Variants in SUMF1 observed in about 807,000 individuals in gnomAD.
The protein encoded by SUMF1 is sulfatase modifying factor 1, also known as formylglycine-generating enzyme.
A neutral mutation model predicts 47.6 loss-of-function variants in SUMF1; 48 were observed. The ratio of observed to expected loss-of-function variants is 1.01; its 90% CI spans 0.80 to 1.28. The LOEUF (loss-of-function observed/expected upper bound fraction) is 1.28. Ranked by LOEUF, SUMF1 falls within the 50% of genes most tolerant of loss-of-function variation. The probability of loss-of-function intolerance (pLI) is 0.00; values close to 1 mark genes in which losing one functional copy is unlikely to be tolerated. For missense variants in SUMF1, 571 were observed against 485.4 expected, an observed-to-expected ratio of 1.18 and a Z score of -1.66; for synonymous variants, 230 against 192.1, an observed-to-expected ratio of 1.20 and a Z score of -1.63.
intron 8 of SUMF1, among the ~76,000 whole-genome samples, chr3:4,340,148 C>T (rs1313949961): frequency 6.6e-6 from 1 of 151,990 alleles, no homozygotes; most frequent in South Asian, 2.1e-4. Context: ...CACTGCTTGG[C>T]CCCAACTCCG....
chr3:4,262,207 C>A (rs572002249), intron 8 of SUMF1, among the ~76,000 whole-genome samples: 1 of 152,192 alleles, frequency 6.6e-6, no homozygotes, highest in East Asian at 1.9e-4. Context: ...TTTCCTTGGG[C>A]CAGGTAGGAG....
rs1246063875 is a variant in SUMF1 at position 4,447,604 on chromosome 3, A to C, written c.519+1662T>G. 2.8e-3 allele frequency among the ~76,000 whole-genome samples: 433 copies of C among 152,326 alleles called. 2 individuals are homozygous for C. Among genetic ancestry groups the C allele is most frequent in the African/African-American group, 9.8e-3 (407 of 41,578 alleles). On this transcript the variant is annotated intron_variant, in intron 3 of 8. Coordinates refer to ENST00000272902, the MANE Select transcript of SUMF1 (RefSeq NM_182760.4). ...AAAAAAAAAAGGTCTGGTGCAGTGAATGAAGGTAAGTCAGACCTTATGAGG... is the reference window on the plus strand; with the variant it reads ...AAAAAAAAAAGGTCTGGTGCAGTGACTGAAGGTAAGTCAGACCTTATGAGG...
chr3:4,274,973 C>T (rs532139240), intron 8 of SUMF1, among the ~76,000 whole-genome samples: 8 of 152,150 alleles, frequency 5.3e-5, no homozygotes, highest in Non-Finnish European at 1.2e-4. Flanking sequence ...CCTGATGAAG[C>T]CCTGATCACA....
intron 8 of SUMF1, among the ~76,000 whole-genome samples, chr3:4,308,317 G>C (rs1575075172): frequency 6.6e-6 from 1 of 152,084 alleles, no homozygotes; most frequent in East Asian, 1.9e-4. Context: ...AATTTTTATT[G>C]AACACGTACA....
chr3:4,317,274 G>A (rs1482943995), intron 8 of SUMF1: 11 of 1,450,270 alleles, frequency 7.6e-6, no homozygotes, highest in Non-Finnish European at 1.0e-5. Context: ...TAGTTATAAT[G>A]ATTTAAAATT....
At chr3:4,073,954 T>G (rs1165095100) in intron 8 of SUMF1, among the ~76,000 whole-genome samples, 1 of 152,136 alleles carries the variant, frequency 6.6e-6, no homozygotes, top group Non-Finnish European at 1.5e-5. Flanking sequence ...AACAAGGATA[T>G]CCAGGACTTG....
intron 8 of SUMF1, among the ~76,000 whole-genome samples, chr3:4,124,985 A>C (rs1574904877): frequency 6.6e-6 from 1 of 152,160 alleles, no homozygotes; most frequent in East Asian, 1.9e-4. Context: ...ATGTGATTCC[A>C]ATCAAATCAT....
chr3:4,186,744 T>C (rs1446123109), intron 8 of SUMF1, among the ~76,000 whole-genome samples: 1 of 152,112 alleles, frequency 6.6e-6, no homozygotes, highest in East Asian at 1.9e-4. Context: ...TATTTAAATA[T>C]TGACGAAAAT....
chr3:4,220,846 C>T (rs1463786751), intron 8 of SUMF1, among the ~76,000 whole-genome samples: 1 of 152,040 alleles, frequency 6.6e-6, no homozygotes, highest in Non-Finnish European at 1.5e-5. Flanking sequence ...TCTCTGGATC[C>T]CTTCCAGCAA....
chr3:4,411,046 A>C, intron 6 of SUMF1, 68 bp from the exon 7 acceptor site: 12 of 1,221,714 alleles, frequency 9.8e-6, no homozygotes, highest in Non-Finnish European at 1.3e-5. Context: ...TTCAGTGCAG[A>C]AATGCAGCAA....
At chr3:4,383,216 T>C (rs1222842569) in intron 7 of SUMF1, among the ~76,000 whole-genome samples, 1 of 152,076 alleles carries the variant, frequency 6.6e-6, no homozygotes, top group African/African-American at 2.4e-5. Context: ...TTGTCTCTAT[T>C]AAAAATACAA....
chr3:4,164,432 G>A (rs1328375291), intron 8 of SUMF1, among the ~76,000 whole-genome samples: 1 of 152,174 alleles, frequency 6.6e-6, no homozygotes, highest in Non-Finnish European at 1.5e-5. Context: ...GGGGGCTTCT[G>A]GCCCAAAGAA....
chr3:4,379,919 T>C (rs1303626513), intron 7 of SUMF1, among the ~76,000 whole-genome samples: 1 of 151,300 alleles, frequency 6.6e-6, no homozygotes, highest in Non-Finnish European at 1.5e-5. Context: ...TCCAGAGAGT[T>C]GGGGAAGAGG....
intron 8 of SUMF1, among the ~76,000 whole-genome samples, chr3:4,220,808 C>T (rs1435467171): frequency 2.0e-5 from 3 of 152,076 alleles, no homozygotes; most frequent in Admixed American, 6.6e-5. Flanking sequence ...TCACTCCAAT[C>T]CAAATATTCT....
intron 8 of SUMF1, among the ~76,000 whole-genome samples, chr3:4,184,327 G>C (rs536853867): frequency 3.3e-5 from 5 of 151,624 alleles, no homozygotes; most frequent in Non-Finnish European, 7.4e-5. Context: ...ATGGTGTTGT[G>C]CGCCTGTAAT....
chr3:4,352,798 A>G (rs1274395835), intron 8 of SUMF1, among the ~76,000 whole-genome samples: 1 of 151,494 alleles, frequency 6.6e-6, no homozygotes, highest in Non-Finnish European at 1.5e-5. Flanking sequence ...TGAAGGGGCC[A>G]GGGAAGCAAA....
intron 8 of SUMF1, among the ~76,000 whole-genome samples, chr3:4,295,279 TAAG>T (rs1697827555): frequency 6.6e-6 from 1 of 152,148 alleles, no homozygotes; most frequent in South Asian, 2.1e-4. Flanking sequence ...ATATAGTCTC[TAAG>T]AAGGATTCCA....
At chr3:4,109,127 C>G (rs1189455817) in intron 8 of SUMF1, among the ~76,000 whole-genome samples, 2 of 152,030 alleles carry the variant, frequency 1.3e-5, no homozygotes, top group African/African-American at 2.4e-5. Context: ...CTGGTGGTGA[C>G]AAAATCTCTC....
At chr3:4,234,414 G>A (rs1005832486) in intron 8 of SUMF1, among the ~76,000 whole-genome samples, 1 of 152,026 alleles carries the variant, frequency 6.6e-6, no homozygotes, top group Admixed American at 6.6e-5. Flanking sequence ...TCATGTTTCT[G>A]CTTTTGTTTT....
Sources: allele counts gnomAD v4.1 joint callset (sites outside exome capture counted in the v4.1 genomes callset), GRCh38; gene constraint gnomAD v4.1.1; transcripts MANE v1.5; gene names NCBI Gene and HGNC (gene_info 2026-07-23, HGNC 2026-07-21).